PCDH15: variants seen among roughly 807,000 people sequenced by gnomAD.
PCDH15 encodes the protein protocadherin related 15, also known as protocadherin-15.
Under a neutral mutation model 178.5 loss-of-function variants are expected in PCDH15, and 129 were observed. The observed-to-expected ratio is 0.72, with a 90% CI of 0.63 to 0.84. PCDH15 has a LOEUF of 0.84. PCDH15 is among the 40% of genes least tolerant of loss of function. PCDH15 has a pLI of 0.00. For synonymous variants in PCDH15, 800 were observed against 732.0 expected (o/e 1.09, Z -1.50); for missense variants, 2,230 against 2,099.9 (o/e 1.06, Z -1.21).
chr10:54,901,887 C>A (rs977259059), intron 2 of PCDH15, among the ~76,000 whole-genome samples: 2 of 152,080 alleles, frequency 1.3e-5, no homozygotes, highest in Non-Finnish European at 2.9e-5. Flanking sequence ...TTATGGAATG[C>A]ATTAATTTCT....
At chr10:53,954,196 A>G (rs2087379633) in intron 23 of PCDH15, among the ~76,000 whole-genome samples, 1 of 152,198 alleles carries the variant, frequency 6.6e-6, no homozygotes, top group Non-Finnish European at 1.5e-5. Context: ...ATAAGTCAGA[A>G]AGCCTACTAA....
chr10:54,459,726 G>A (rs2077054477), intron 3 of PCDH15, among the ~76,000 whole-genome samples: 1 of 152,060 alleles, frequency 6.6e-6, no homozygotes, highest in African/African-American at 2.4e-5. Context: ...AGTAATGGAT[G>A]GATTTACTAA....
intron 2 of PCDH15, among the ~76,000 whole-genome samples, chr10:55,503,647 A>G (rs1840701999): frequency 6.6e-6 from 1 of 151,360 alleles, no homozygotes; most frequent in Non-Finnish European, 1.5e-5. Flanking sequence ...CCTCCCAAAA[A>G]GATAATCAGA....
chr10:54,811,142 T>C (rs1241776050), intron 3 of PCDH15, among the ~76,000 whole-genome samples: 1 of 151,946 alleles, frequency 6.6e-6, no homozygotes, highest in African/African-American at 2.4e-5. Context: ...TGTGTATATA[T>C]ATATATGTAA....
chr10:54,674,826 A>C (rs1405817396), intron 1 of PCDH15, among the ~76,000 whole-genome samples: 1 of 152,078 alleles, frequency 6.6e-6, no homozygotes, highest in Non-Finnish European at 1.5e-5. Flanking sequence ...ATGTTGTCCA[A>C]GGGTCAATTG....
rs140828849 is a variant in PCDH15 at position 55,569,810 on chromosome 10, T to C, written c.-156+57815A>G. ...CTCATTCAGAGTAATCGTGTGAACA[T>C]GGTTCTATTTCTGTCTATGTCTATA... On this transcript the variant is annotated intron_variant, in intron 2 of 5. Coordinates refer to the PCDH15 transcript ENST00000613346. Among the ~76,000 whole-genome samples the C allele has an allele frequency of 6.8e-4, 104 of 152,132 alleles. 1 individual carries two copies. Among genetic ancestry groups the C allele is most frequent in the African/African-American group, 2.3e-3 (96 of 41,564 alleles).
chr10:55,167,349 C>CA (rs1050240640), intron 1 of PCDH15, among the ~76,000 whole-genome samples: 2 of 152,108 alleles, frequency 1.3e-5, no homozygotes, highest in Non-Finnish European at 2.9e-5. Context: ...CTTCTGGGCT[C>CA]AAGTGATTCT....
At chr10:55,118,732 A>G (rs868577483) in intron 2 of PCDH15, among the ~76,000 whole-genome samples, 1 of 152,352 alleles carries the variant, frequency 6.6e-6, no homozygotes, top group Middle Eastern at 3.4e-3. Context: ...TACATTATTA[A>G]TTGGTTCCCA....
intron 4 of PCDH15, 101 bp downstream of exon 4, chr10:54,378,681 A>C: frequency 7.5e-7 from 1 of 1,340,910 alleles, no homozygotes; most frequent in Non-Finnish European, 1.0e-6. Flanking sequence ...CAGGAAATAA[A>C]CTCAAATTAT....
chr10:53,855,918 A>ATATATG (rs1554832785), intron 28 of PCDH15, among the ~76,000 whole-genome samples: 3 of 139,534 alleles, frequency 2.2e-5, no homozygotes, highest in Non-Finnish European at 4.6e-5. Flanking sequence ...ATATATATAT[A>ATATATG]TATGTATGTG....
chr10:55,166,952 A>G (rs1409488258), intron 1 of PCDH15, among the ~76,000 whole-genome samples: 1 of 152,134 alleles, frequency 6.6e-6, no homozygotes, highest in Non-Finnish European at 1.5e-5. Context: ...CATATTTGGT[A>G]TGACCAGAGT....
chr10:54,153,411 T>C, intron 13 of PCDH15, 118 bp from the exon 14 acceptor site: 1 of 1,102,830 alleles, frequency 9.1e-7, no homozygotes, highest in East Asian at 2.5e-5. Context: ...AAAGTTTCCT[T>C]GACATATATA....
At chr10:54,346,631 C>G in intron 5 of PCDH15, 147 bp from the exon 6 acceptor site, 2 of 888,922 alleles carry the variant, frequency 2.2e-6, no homozygotes, top group Admixed American at 2.0e-5. Flanking sequence ...TTCAAAAGAA[C>G]AGTTTTGAGC....
chr10:55,550,340 T>C (rs1346397335), intron 2 of PCDH15, among the ~76,000 whole-genome samples: 2 of 152,164 alleles, frequency 1.3e-5, no homozygotes, highest in African/African-American at 2.4e-5. Context: ...GCTAGGATTC[T>C]TTTCTCTTCA....
intron 1 of PCDH15, among the ~76,000 whole-genome samples, chr10:54,725,390 G>A (rs1398097540): frequency 3.3e-5 from 5 of 150,400 alleles, no homozygotes; most frequent in Non-Finnish European, 7.4e-5. Context: ...CAAATTAGCA[G>A]CTTAGATCAG....
intron 7 of PCDH15, among the ~76,000 whole-genome samples, chr10:54,318,583 A>G (rs1428838424): frequency 6.6e-6 from 1 of 152,178 alleles, no homozygotes; most frequent in East Asian, 1.9e-4. Context: ...CAGGATCCCA[A>G]TCAGGATACC....
Position 53,812,175 on chromosome 10 carries a change from T to C in PCDH15, c.4492-556A>G, listed in dbSNP as rs1588885746. Among the ~76,000 whole-genome samples, 6 of 152,162 alleles carry C rather than the reference T, an allele frequency of 3.9e-5. No individual in the cohort carries two copies. The South Asian group carries it at 1.2e-3, about 32-fold the overall frequency. Reference sequence around the variant, plus strand: ...CCAAGGATGTTTATACTTTAAAACATACTGCTGATTCTAAATTTAAGGGTT... The same window carrying C: ...CCAAGGATGTTTATACTTTAAAACACACTGCTGATTCTAAATTTAAGGGTT... On this transcript the variant is annotated intron_variant, in intron 35 of 37. Transcript: ENST00000644397.
At chr10:54,405,326 T>C (rs572350414) in intron 3 of PCDH15, among the ~76,000 whole-genome samples, 1 of 152,140 alleles carries the variant, frequency 6.6e-6, no homozygotes, top group African/African-American at 2.4e-5. Flanking sequence ...GTACATTCCA[T>C]GTGTACCACA....
At chr10:55,232,757 T>C (rs2680326) in intron 1 of PCDH15, among the ~76,000 whole-genome samples, 64,699 of 151,860 alleles carry the variant, frequency 0.43, 13,878 homozygotes, top group South Asian at 0.48. Flanking sequence ...CTCCACTTAG[T>C]AGCAAGAGAG....
Sources: gnomAD v4.1 joint callset for allele counts (sites outside exome capture counted in the v4.1 genomes callset) on GRCh38, gnomAD v4.1.1 for gene constraint, MANE v1.5 for transcripts, NCBI Gene and HGNC (gene_info 2026-07-23, HGNC 2026-07-21) for gene names.